PPM1B: variants seen among roughly 807,000 people sequenced by gnomAD.
PPM1B encodes protein phosphatase 1B.
Under a neutral mutation model 43.0 loss-of-function variants are expected in PPM1B, and 22 were observed. The ratio of observed to expected loss-of-function variants is 0.51; its 90% CI spans 0.37 to 0.73. The LOEUF is 0.73. Among genes scored for constraint, PPM1B ranks in the 30% least tolerant of loss-of-function variants. The pLI is 0.00. For synonymous variants in PPM1B, 217 were observed against 197.9 expected, an observed-to-expected ratio of 1.10 and a Z score of -0.81; for missense variants, 632 against 584.2, an observed-to-expected ratio of 1.08 and a Z score of -0.84.
intron 5 of PPM1B, among the ~76,000 whole-genome samples, chr2:44,223,999 T>G (rs1670099643): frequency 6.6e-6 from 1 of 152,214 alleles, no homozygotes; most frequent in African/African-American, 2.4e-5. Flanking sequence ...AACATGTAAT[T>G]TATTAGAGTC....
intron 3 of PPM1B, among the ~76,000 whole-genome samples, chr2:44,216,635 T>C (rs1669731412): frequency 6.6e-6 from 1 of 152,110 alleles, no homozygotes; most frequent in African/African-American, 2.4e-5. Context: ...AGGATGAAAA[T>C]AGGCATTCAT....
At chr2:44,183,711 T>C (rs1667989691) in intron 1 of PPM1B, among the ~76,000 whole-genome samples, 1 of 152,158 alleles carries the variant, frequency 6.6e-6, no homozygotes, top group Non-Finnish European at 1.5e-5. Flanking sequence ...GCTTTGGAAT[T>C]GGACTGCATG....
intron 3 of PPM1B, among the ~76,000 whole-genome samples, chr2:44,212,165 A>G (rs1669501648): frequency 6.6e-6 from 1 of 152,054 alleles, no homozygotes; most frequent in African/African-American, 2.4e-5. Context: ...TGTATTATCA[A>G]CTGTTTCAGG....
At chr2:44,181,043 C>G (rs536056602) in intron 1 of PPM1B, among the ~76,000 whole-genome samples, 1 of 152,222 alleles carries the variant, frequency 6.6e-6, no homozygotes, top group African/African-American at 2.4e-5. Flanking sequence ...CTCCTAGGTT[C>G]AAGCAGTCGT....
chr2:44,173,708 C>T lies in PPM1B; in HGVS notation c.-15+4434C>T, dbSNP rs537474979. ...CTGTAATCCCAGTACTTTGGGAGCC[C>T]GAGGTTGGTGAATCACTTGAGGTCA... On this transcript the variant is annotated intron_variant, in intron 1 of 5. Coordinates refer to ENST00000282412, the MANE Select transcript of PPM1B (RefSeq NM_002706.6). 5.9e-5 allele frequency among the ~76,000 whole-genome samples: 9 copies of T among 152,112 alleles called. No homozygotes were observed. In the South Asian group the frequency reaches 8.3e-4, roughly 14 times the overall value.
Position 44,241,614 on chromosome 2 carries a change from C to A in PPM1B, n.1547-2614C>A, listed in dbSNP as rs373793016. On this transcript the variant is annotated intron_variant and non_coding_transcript_variant, in intron 5 of 5. Coordinates refer to the PPM1B transcript ENST00000378540. ...AGGCGTGGTGGTGTGCACCTGTAAT[C>A]CCAGCTACCTGGGAGGCTGAGGCAG... Among the ~76,000 whole-genome samples the A allele has an allele frequency of 3.0e-4, 35 of 118,588 alleles. 7 individuals are homozygous for A. In the South Asian group the frequency reaches 0.012, roughly 39 times the overall value. 77.8% of individuals were successfully genotyped at this position (118,588 alleles called of 152,430 possible). A position where few individuals can be genotyped will look rare whatever the true frequency, so the allele number is the denominator to read the frequency against.
chr2:44,200,791 C>G (rs991263251), intron 1 of PPM1B, among the ~76,000 whole-genome samples: 1 of 152,198 alleles, frequency 6.6e-6, no homozygotes, highest in Non-Finnish European at 1.5e-5. Context: ...CTTCTGTAAA[C>G]TTACATGTCG....
intron 1 of PPM1B, among the ~76,000 whole-genome samples, chr2:44,198,309 C>A (rs1252485662): frequency 6.6e-6 from 1 of 152,054 alleles, no homozygotes; most frequent in Admixed American, 6.6e-5. Flanking sequence ...CACAGGCACC[C>A]ACCACCATGC....
At chr2:44,180,897 A>G (rs897052910) in intron 1 of PPM1B, among the ~76,000 whole-genome samples, 2 of 152,038 alleles carry the variant, frequency 1.3e-5, no homozygotes, top group African/African-American at 4.8e-5. Context: ...AAATGATTTT[A>G]TAGGAGTGGT....
intron 3 of PPM1B, chr2:44,213,674 C>A (rs754460924): frequency 6.6e-6 from 1 of 152,036 alleles, no homozygotes; most frequent in African/African-American, 2.4e-5. Flanking sequence ...TTTCCTCAGC[C>A]CTAAATTAAT....
intron 5 of PPM1B, among the ~76,000 whole-genome samples, chr2:44,222,761 A>G (rs1670032478): frequency 6.6e-6 from 1 of 152,066 alleles, no homozygotes; most frequent in African/African-American, 2.4e-5. Context: ...TCTGTACCCC[A>G]CCTGTGTCTA....
intron 3 of PPM1B, among the ~76,000 whole-genome samples, chr2:44,213,120 TTC>T (rs1400800309): frequency 1.9e-4 from 29 of 150,984 alleles, no homozygotes; most frequent in East Asian, 7.7e-4. Flanking sequence ...TTTTTTTTTT[TTC>T]TTTTCCACTT....
chr2:44,170,606 A>G (rs1447101359), intron 1 of PPM1B, among the ~76,000 whole-genome samples: 3 of 152,218 alleles, frequency 2.0e-5, no homozygotes, highest in South Asian at 4.1e-4. Context: ...GAAACATGCC[A>G]TGGACGCTGA....
downstream of PPM1B, among the ~76,000 whole-genome samples, chr2:44,236,945 C>CA (rs764811867): frequency 6.6e-6 from 1 of 152,114 alleles, no homozygotes; most frequent in Non-Finnish European, 1.5e-5. Flanking sequence ...TGAAAAATAG[C>CA]AAAGTGTGAT....
chr2:44,233,735 A>C, downstream of PPM1B: 1 of 985,876 alleles, frequency 1.0e-6, no homozygotes. Context: ...AAATACAGAC[A>C]GCTTTCCTGA....
At chr2:44,245,907 C>A (rs775636432), downstream of PPM1B, among the ~76,000 whole-genome samples, 3 of 152,242 alleles carry the variant, frequency 2.0e-5, no homozygotes, top group African/African-American at 4.8e-5. Flanking sequence ...GCTGGTGCTC[C>A]TGGGTGGGCT....
downstream of PPM1B, chr2:44,232,168 C>G (rs974097294): frequency 8.4e-7 from 1 of 1,191,916 alleles, no homozygotes. Flanking sequence ...ACACAATATG[C>G]AATACACAAC....
Position 44,201,905 on chromosome 2 carries a change from G to A in PPM1B, c.706G>A (p.Glu236Lys). The change falls in exon 2 of 6, where the codon GAA (glutamate) becomes AAA (lysine). Residue 236 changes from glutamate (E) to lysine (K), a missense_variant. By Grantham distance (56) the Glu-to-Lys change is moderately conservative. Coordinates refer to ENST00000282412, the MANE Select transcript of PPM1B (RefSeq NM_002706.6). This position sits in a 1 kb window ranked among gnomAD's most constrained non-coding sequence, Gnocchi z 5.4. ...TGAAATTTTAAGAGCAGAAGAGGATGAATTTATCATCTTGGCTTGTGATGG... is the reference window on the plus strand; with the variant it reads ...TGAAATTTTAAGAGCAGAAGAGGATAAATTTATCATCTTGGCTTGTGATGG... The part of the protein sequence containing the change: ...VYEILRAEED[E>K]FIILACDGIW... 6.2e-7 allele frequency: 1 copy of A among 1,614,138 alleles called. No individual in the cohort carries two copies. The highest frequency in any genetic ancestry group is 8.5e-7 in the Non-Finnish European group (1 of 1,180,016).
intron 1 of PPM1B, among the ~76,000 whole-genome samples, chr2:44,170,731 A>C (rs115444879): frequency 3.3e-3 from 498 of 152,366 alleles, no homozygotes; most frequent in African/African-American, 0.012. Context: ...AGTTATTCTA[A>C]TTATTATGAT....
Sources: allele counts gnomAD v4.1 joint callset (sites outside exome capture counted in the v4.1 genomes callset), GRCh38; gene constraint gnomAD v4.1.1; non-coding constraint Gnocchi (gnomAD v3.1); transcripts MANE v1.5; gene names NCBI Gene and HGNC (gene_info 2026-07-23, HGNC 2026-07-21).